Variants in CERKL observed in about 807,000 individuals in gnomAD.
CERKL encodes ceramide kinase-like protein.
CERKL carries 61 observed loss-of-function variants against 63.4 expected under a neutral mutation model. That is an observed-to-expected ratio of 0.96 (90% CI 0.78 to 1.19). The LOEUF (loss-of-function observed/expected upper bound fraction) is 1.19, where lower values mean the gene tolerates loss of function less well. Ranked by LOEUF, CERKL falls within the 50% of genes most tolerant of loss-of-function variation. CERKL has a pLI of 0.00. For missense variants in CERKL, 675 were observed against 655.5 expected, an observed-to-expected ratio of 1.03 and a Z score of -0.33; for synonymous variants, 250 against 230.5, an observed-to-expected ratio of 1.08 and a Z score of -0.77.
At chr2:181,637,436 C>G (rs1230376277) in intron 1 of CERKL, among the ~76,000 whole-genome samples, 1 of 152,082 alleles carries the variant, frequency 6.6e-6, no homozygotes, top group Admixed American at 6.6e-5. Context: ...GATTTTGATG[C>G]TGATGTAAAG....
intron 1 of CERKL, among the ~76,000 whole-genome samples, chr2:181,625,183 G>T (rs1289668329): frequency 6.6e-6 from 1 of 152,182 alleles, no homozygotes; most frequent in Non-Finnish European, 1.5e-5. Context: ...GAAGAAAGCT[G>T]TATCAAGGAG....
chr2:181,605,764 G>A (rs1253658323), intron 1 of CERKL, among the ~76,000 whole-genome samples: 1 of 152,126 alleles, frequency 6.6e-6, no homozygotes, highest in Non-Finnish European at 1.5e-5. Context: ...CAAAATAGGA[G>A]AAAAAGTAAT....
intron 2 of CERKL, among the ~76,000 whole-genome samples, chr2:181,583,786 A>G (rs1357008716): frequency 1.3e-5 from 2 of 152,232 alleles, no homozygotes; most frequent in Non-Finnish European, 2.9e-5. Flanking sequence ...ACGAAAAAAC[A>G]TGTTGTAATG....
At chr2:181,596,644 A>C (rs1390751520) in intron 2 of CERKL, among the ~76,000 whole-genome samples, 1 of 152,236 alleles carries the variant, frequency 6.6e-6, no homozygotes, top group Non-Finnish European at 1.5e-5. Flanking sequence ...ATATTTAATA[A>C]GAATATAGCA....
intron 11 of CERKL, among the ~76,000 whole-genome samples, chr2:181,544,149 T>G (rs1025156276): frequency 6.6e-6 from 1 of 152,194 alleles, no homozygotes; most frequent in Non-Finnish European, 1.5e-5. Context: ...TGGCTTGTAA[T>G]AGTTACTGTT....
chr2:181,573,716 T>C lies in CERKL; in HGVS notation c.613+37A>G, dbSNP rs779317153. The C allele has an allele frequency of 2.8e-5, 44 of 1,593,352 alleles. No individual in the cohort carries two copies. The Middle Eastern group carries it at 8.4e-4, about 30-fold the overall frequency. On this transcript the variant is annotated intron_variant, in intron 3 of 12. Transcript: ENST00000410087. ...CAGATTATTTTGCTTTTGTATGTTT[T>C]TGTAGATGGTGAAATTATATTCTGA...
intron 2 of CERKL, among the ~76,000 whole-genome samples, chr2:181,590,030 G>C (rs1324357264): frequency 6.6e-6 from 1 of 151,682 alleles, no homozygotes; most frequent in Non-Finnish European, 1.5e-5. Flanking sequence ...ATGTTGCCCA[G>C]GCTGGTCTGT....
At chr2:181,646,343 C>A (rs1047589974) in intron 1 of CERKL, among the ~76,000 whole-genome samples, 8 of 152,202 alleles carry the variant, frequency 5.3e-5, no homozygotes, top group African/African-American at 1.7e-4. Flanking sequence ...CCCACATAAG[C>A]TACAAGCTAA....
intron 2 of CERKL, among the ~76,000 whole-genome samples, chr2:181,589,696 C>G (rs903740001): frequency 6.6e-6 from 1 of 152,090 alleles, no homozygotes; most frequent in Non-Finnish European, 1.5e-5. Context: ...TAAAATTCAA[C>G]TATGCAAGTA....
chr2:181,568,450 C>A (rs905497214), intron 3 of CERKL, among the ~76,000 whole-genome samples: 4 of 152,132 alleles, frequency 2.6e-5, no homozygotes, highest in Non-Finnish European at 5.9e-5. Flanking sequence ...ACTCCATGGC[C>A]AAGGCCAGTT....
chr2:181,635,896 G>T (rs762640419), intron 1 of CERKL, among the ~76,000 whole-genome samples: 1 of 152,128 alleles, frequency 6.6e-6, no homozygotes, highest in Non-Finnish European at 1.5e-5. Context: ...TATTATGAAT[G>T]TATAAAGATT....
At chr2:181,617,565 GA>G (rs1686252471) in intron 1 of CERKL, 1 of 152,108 alleles carries the variant, frequency 6.6e-6, no homozygotes, top group South Asian at 2.1e-4. Flanking sequence ...TAATCTCAAA[GA>G]ATTTTCTGAT....
chr2:181,536,783 ATTTATT>A lies in CERKL; in HGVS notation c.*1395_*1400del. On this transcript the variant is annotated 3_prime_UTR_variant, in exon 13 of 13. Coordinates refer to ENST00000410087, the MANE Select transcript of CERKL (RefSeq NM_201548.5). ...CTTTAAATACAATCATTTTTGTAAT[ATTTATT>A]TTATGCTTATGATCTAGATAATTGC... The A allele has an allele frequency of 4.1e-6, 1 of 245,848 alleles. No individual in the cohort carries two copies. Among genetic ancestry groups the A allele is most frequent in the East Asian group, 1.0e-4 (1 of 9,686 alleles). The allele number at this position is 245,848 out of a possible 1,614,324, so 15.2% of individuals were successfully genotyped here. A position where few individuals can be genotyped will look rare whatever the true frequency, so the allele number is the denominator to read the frequency against.
chr2:181,629,972 A>G (rs1686880809), intron 1 of CERKL, among the ~76,000 whole-genome samples: 1 of 151,558 alleles, frequency 6.6e-6, no homozygotes, highest in African/African-American at 2.4e-5. Flanking sequence ...GAAAAAAAAA[A>G]AAAAAACACA....
chr2:181,552,057 G>A (rs1039343320), intron 5 of CERKL, among the ~76,000 whole-genome samples: 1 of 152,124 alleles, frequency 6.6e-6, no homozygotes, highest in Non-Finnish European at 1.5e-5. Context: ...AATAAGACAG[G>A]CACAGAAAGG....
rs576839214 is a variant in CERKL, at chr2:181,537,821, T to G, written c.*363A>C. The G allele has an allele frequency of 6.3e-6, 3 of 477,736 alleles. No homozygotes were observed. Among genetic ancestry groups the G allele is most frequent in the East Asian group, 1.2e-4 (2 of 16,156 alleles). 29.6% of individuals were successfully genotyped at this position (477,736 alleles called of 1,614,324 possible). ...TGACTTTTAAAGCCCTAGAGGCTAA[T>G]TGTTAGTAACATCAATTTCTATTAG... On this transcript the variant is annotated 3_prime_UTR_variant, in exon 13 of 13. Transcript: ENST00000410087.
At chr2:181,652,086 A>T (rs1366707927) in intron 1 of CERKL, among the ~76,000 whole-genome samples, 1 of 152,190 alleles carries the variant, frequency 6.6e-6, no homozygotes, top group East Asian at 1.9e-4. Context: ...ACCCAAAGTG[A>T]TCTATGGATT....
chr2:181,612,335 T>G (rs1686002814), intron 1 of CERKL, among the ~76,000 whole-genome samples: 1 of 152,192 alleles, frequency 6.6e-6, no homozygotes, highest in South Asian at 2.1e-4. Context: ...ATGAGTTTTT[T>G]TAAGTATATG....
chr2:181,616,855 G>C (rs186701779), intron 1 of CERKL, among the ~76,000 whole-genome samples: 1 of 152,268 alleles, frequency 6.6e-6, no homozygotes, highest in Non-Finnish European at 1.5e-5. Context: ...AAATATTCAG[G>C]AGAAATTGGT....
Sources: gnomAD v4.1 joint callset for allele counts (sites outside exome capture counted in the v4.1 genomes callset) on GRCh38, gnomAD v4.1.1 for gene constraint, MANE v1.5 for transcripts, NCBI Gene and HGNC (gene_info 2026-07-23, HGNC 2026-07-21) for gene names.